The following CYP7A1 variants were observed in gnomAD, a reference collection of about 807,000 sequenced individuals.
CYP7A1 encodes cytochrome P450 7A1.
Under a neutral mutation model 43.8 loss-of-function variants are expected in CYP7A1, and 28 were observed. The ratio of observed to expected loss-of-function variants is 0.64; its 90% CI spans 0.47 to 0.88. The LOEUF (loss-of-function observed/expected upper bound fraction) is 0.88, where lower values mean the gene tolerates loss of function less well. Ranked by LOEUF, CYP7A1 falls within the 40% of genes least tolerant of loss-of-function variation. The pLI is 0.00. For synonymous variants in CYP7A1, 227 were observed against 222.5 expected, an observed-to-expected ratio of 1.02 and a Z score of -0.18; for missense variants, 637 against 611.9, an observed-to-expected ratio of 1.04 and a Z score of -0.43.
At position 58,497,158 on chromosome 8, in the gene CYP7A1, A is replaced by G; in HGVS notation, c.354T>C (p.Asp118=). ...CGTTTATGTTTTCAGTGGTATTTCC[A>G]TCCATCGGGTCAATGCTTCTGTGCC... ...AFGHRSIDPM[D]GNTTENINDT... is the part of the protein sequence containing the mutation. The change falls in exon 3 of 6, where the codon GAT becomes GAC. Residue 118 remains aspartate (D), a synonymous_variant. Transcript: ENST00000301645. 6.3e-7 allele frequency: 1 copy of G among 1,599,752 alleles called. No individual in the cohort carries two copies. Among genetic ancestry groups the G allele is most frequent in the Non-Finnish European group, 8.5e-7 (1 of 1,179,936 alleles).
chr8:58,498,570 C>A, intron 1 of CYP7A1, 101 bp from the exon 2 acceptor site: 1 of 1,247,038 alleles, frequency 8.0e-7, no homozygotes, highest in African/African-American at 1.5e-5. Flanking sequence ...AACTTTGAAA[C>A]CCTATAGTTT....
intron 4 of CYP7A1, 21 bp downstream of exon 4, chr8:58,494,485 C>G (rs1284080500): frequency 6.2e-7 from 1 of 1,613,096 alleles, no homozygotes; most frequent in East Asian, 2.2e-5. Flanking sequence ...AAATGAAACT[C>G]AACATAACAA....
chr8:58,493,675 C>T (rs1470907270), intron 4 of CYP7A1, among the ~76,000 whole-genome samples: 1 of 152,074 alleles, frequency 6.6e-6, no homozygotes, highest in Admixed American at 6.6e-5. Context: ...AAGAAAATAA[C>T]CAAAAAAAGA....
At chr8:58,495,520 G>A (rs896801043) in intron 3 of CYP7A1, among the ~76,000 whole-genome samples, 1 of 152,260 alleles carries the variant, frequency 6.6e-6, no homozygotes, top group African/African-American at 2.4e-5. Flanking sequence ...GAGCCATTGC[G>A]CCCGGCCTGG....
Position 58,500,061 on chromosome 8 carries a change from G to C in CYP7A1, c.38C>G (p.Ala13Gly). 1 of 1,612,982 alleles carries C rather than the reference G, an allele frequency of 6.2e-7. No individual in the cohort carries two copies. Among genetic ancestry groups the C allele is most frequent in the Non-Finnish European group, 8.5e-7 (1 of 1,179,128 alleles). Residue 13 changes from alanine (A) to glycine (G), a missense_variant, in exon 1 of 6, where the codon GCA becomes GGA. Transcript: ENST00000301645. The stretch of plus-strand genomic sequence containing the variant: ...AATAAGCCATAGACAACAGCATGCT[G>C]CTATAGCAATCCCCCAAATCAAAGA... The part of the protein sequence containing the change: ...TTSLIWGIAI[A>G]ACCCLWLILG...
intron 2 of CYP7A1, among the ~76,000 whole-genome samples, chr8:58,497,632 T>C (rs1278917465): frequency 6.6e-6 from 1 of 152,188 alleles, no homozygotes; most frequent in African/African-American, 2.4e-5. Flanking sequence ...TCCTCCTGCC[T>C]CAGCCTCTCA....
In CYP7A1 at chr8:58,496,868, A is replaced by G. The variant is rs1314040550; in HGVS notation, c.644T>C (p.Val215Ala). 1.9e-6 allele frequency: 3 copies of G among 1,614,184 alleles called. No individual in the cohort carries two copies. The highest frequency in any genetic ancestry group is 2.7e-5 in the African/African-American group (2 of 75,044). Residue 215 changes from valine to alanine, a missense_variant, in exon 3 of 6, where the codon GTC becomes GCC. Val to Ala is a moderately conservative substitution (Grantham distance 64, BLOSUM62 0). Transcript: ENST00000301645. Reference sequence around the variant, plus strand: ...GAGGCCTGCTACCAGGGCTGGAAAGACTTTGTCGAATTGCTTGAAGTTGTC... The same window carrying G: ...GAGGCCTGCTACCAGGGCTGGAAAGGCTTTGTCGAATTGCTTGAAGTTGTC... ...NLDNFKQFDK[V>A]FPALVAGLPI...
Position 58,495,471 on chromosome 8 carries a change from G to A in CYP7A1, c.909-835C>T, listed in dbSNP as rs535348042. ...TCTCGATCTCCTGACCTTGTGATCC[G>A]CCCGCCTCGGCCTCCCAAAGTTCTG... is the stretch of plus-strand genomic sequence containing the variant. On this transcript the variant is annotated intron_variant, in intron 3 of 5. Transcript: ENST00000301645. Among the ~76,000 whole-genome samples, 105 of 152,072 alleles carry A rather than the reference G, an allele frequency of 6.9e-4. 2 individuals are homozygous for A. The highest frequency in any genetic ancestry group is 6.8e-3 in the Middle Eastern group (2 of 294).
intron 1 of CYP7A1, among the ~76,000 whole-genome samples, chr8:58,499,178 C>G (rs1809493457): frequency 6.6e-6 from 1 of 152,168 alleles, no homozygotes; most frequent in African/African-American, 2.4e-5. Flanking sequence ...AAAGTAATTA[C>G]CTTTCTTTTC....
Position 58,496,823 on chromosome 8 carries a change from G to C in CYP7A1, c.689C>G (p.Thr230Ser). Residue 230 changes from threonine (T) to serine (S), a missense_variant, in exon 3 of 6, where the codon ACT (threonine) becomes AGT (serine). Transcript: ENST00000301645. ...VAGLPIHMFR[T>S]AHNAREKLAE... ...CAGTTTCTCCCGGGCATTGTGCGCA[G>C]TCCTGAACATGTGAATGGGGAGGCC... 1 of 1,614,224 alleles carries C rather than the reference G, an allele frequency of 6.2e-7. No individual in the cohort carries two copies.
intron 4 of CYP7A1, among the ~76,000 whole-genome samples, chr8:58,493,757 T>C (rs1371472426): frequency 6.6e-6 from 1 of 152,158 alleles, no homozygotes; most frequent in Non-Finnish European, 1.5e-5. Context: ...CCCAGCACTT[T>C]GGGAGGCCGA....
intron 3 of CYP7A1, among the ~76,000 whole-genome samples, chr8:58,495,251 A>G (rs1391324324): frequency 1.3e-5 from 2 of 150,240 alleles, no homozygotes; most frequent in African/African-American, 2.5e-5. Context: ...TTTGAGACGG[A>G]GTCTTGCTCT....
chr8:58,493,353 C>G (rs1809382882), intron 4 of CYP7A1, among the ~76,000 whole-genome samples: 1 of 152,170 alleles, frequency 6.6e-6, no homozygotes. Context: ...TTTACAAGAA[C>G]CTATTTTTAT....
rs773486919 is a variant in CYP7A1, at chr8:58,491,789, C to T, written c.1216-15G>A. 1 of 1,606,288 alleles carries T rather than the reference C, an allele frequency of 6.2e-7. No individual in the cohort carries two copies. Among genetic ancestry groups the T allele is most frequent in the Non-Finnish European group, 8.5e-7 (1 of 1,173,760 alleles). ...TATTTAAAAGTCTGCAATAAAAATA[C>T]AAAGAAAACCGCCTTTAAGCTAGTT... On this transcript the variant is annotated splice_polypyrimidine_tract_variant and intron_variant, in intron 5 of 5. Coordinates refer to ENST00000301645, the MANE Select transcript of CYP7A1 (RefSeq NM_000780.4).
In CYP7A1 at chr8:58,498,237, A is replaced by C. The variant is rs766241318; in HGVS notation, c.313T>G (p.Ser105Ala). ...AATGTAAAACTGCTTACCTTCGCAG[A>C]AGTAGCAAAGTGAAATTTTTTCCAA... The part of the protein sequence containing the change: ...FDWKKFHFAT[S>A]AKAFGHRSID... The change falls in exon 2 of 6, where the codon TCT becomes GCT. Residue 105 changes from serine to alanine, a missense_variant. By Grantham distance (99) the Ser-to-Ala change is moderately conservative. Coordinates refer to ENST00000301645, the MANE Select transcript of CYP7A1 (RefSeq NM_000780.4). 2 of 1,614,150 alleles carry C rather than the reference A, an allele frequency of 1.2e-6. No individual in the cohort carries two copies. Among genetic ancestry groups the C allele is most frequent in the Non-Finnish European group, 8.5e-7 (1 of 1,180,002 alleles).
intron 4 of CYP7A1, 137 bp downstream of exon 4, chr8:58,494,369 T>G: frequency 2.2e-6 from 2 of 911,456 alleles, no homozygotes; most frequent in Non-Finnish European, 3.5e-6. Context: ...AGGACAGTTG[T>G]GAGGATTAAC....
rs779124979 is a variant in CYP7A1, at chr8:58,492,409, T to C, written c.1159A>G (p.Ile387Val). 5.6e-6 allele frequency: 9 copies of C among 1,614,154 alleles called. No homozygotes were observed. Among genetic ancestry groups the C allele is most frequent in the Admixed American group, 1.7e-5 (1 of 60,032 alleles). The change falls in exon 5 of 6, where the codon ATA (isoleucine) becomes GTA (valine). Residue 387 changes from isoleucine (I) to valine (V), a missense_variant. By Grantham distance (29) the Ile-to-Val change is conservative. Transcript: ENST00000301645. ...GSYNIRKDDI[I>V]ALYPQLMHLD... ...TGCATTAACTGTGGGTAAAGAGCTA[T>C]GATGTCATCTTTTCGGATGTTGTAG... is the stretch of plus-strand genomic sequence containing the variant.
chr8:58,494,552 A>T lies in CYP7A1; in HGVS notation c.993T>A (p.Asn331Lys), dbSNP rs1809408837. Residue 331 changes from asparagine (N) to lysine (K), a missense_variant, in exon 4 of 6, where the codon AAT becomes AAA. By Grantham distance (94) the Asn-to-Lys change is moderately conservative. Transcript: ENST00000301645. ...NAGQKVSLEG[N>K]PICLSQAELN... The stretch of plus-strand genomic sequence containing the variant: ...GTTCTGCTTGACTCAAACAAATAGG[A>T]TTGCCTTCCAAGCTGACTTTTTGAC... The T allele has an allele frequency of 4.3e-6, 7 of 1,614,060 alleles. No individual in the cohort carries two copies. The highest frequency in any genetic ancestry group is 5.9e-6 in the Non-Finnish European group (7 of 1,179,958).
chr8:58,496,937 A>G lies in CYP7A1; in HGVS notation c.575T>C (p.Leu192Pro). The G allele has an allele frequency of 6.2e-7, 1 of 1,614,224 alleles. No homozygotes were observed. The highest frequency in any genetic ancestry group is 8.5e-7 in the Non-Finnish European group (1 of 1,180,032). The change falls in exon 3 of 6, where the codon CTT (leucine) becomes CCT (proline). Residue 192 changes from leucine to proline, a missense_variant. Leu to Pro is a moderately conservative substitution (Grantham distance 98, BLOSUM62 -3). Transcript: ENST00000301645. ...AGYLTIFGRD[L>P]TRRDTQKAHI... ...TGCTTTCTGTGTGTCCCGCCTTGTA[A>G]GATCTCTGCCAAAGATAGTTAAATA...
Sources: allele counts gnomAD v4.1 joint callset (sites outside exome capture counted in the v4.1 genomes callset), GRCh38; gene constraint gnomAD v4.1.1; transcripts MANE v1.5; gene names NCBI Gene and HGNC (gene_info 2026-07-23, HGNC 2026-07-21).